Variants in AFF3 observed in about 807,000 individuals in gnomAD.
AFF3 encodes ALF transcription elongation factor 3.
AFF3 carries 32 observed loss-of-function variants against 129.7 expected under a neutral mutation model. The observed-to-expected ratio is 0.25, with a 90% CI of 0.19 to 0.33. The LOEUF is 0.33. Among genes scored for constraint, AFF3 ranks in the 10% least tolerant of loss-of-function variants. The probability of loss-of-function intolerance (pLI) is 1.00; values close to 1 mark genes in which losing one functional copy is unlikely to be tolerated. For missense variants in AFF3, 1,373 were observed against 1,592.0 expected, an observed-to-expected ratio of 0.86 and a Z score of 2.34; for synonymous variants, 644 against 635.4, an observed-to-expected ratio of 1.01 and a Z score of -0.20.
chr2:99,852,003 G>A (rs1461505955), intron 7 of AFF3, among the ~76,000 whole-genome samples: 1 of 152,160 alleles, frequency 6.6e-6, no homozygotes, highest in Non-Finnish European at 1.5e-5. Context: ...CAATGATCAA[G>A]GGTAAACTCT....
At chr2:99,796,348 A>C (rs1321274886) in intron 8 of AFF3, among the ~76,000 whole-genome samples, 2 of 152,204 alleles carry the variant, frequency 1.3e-5, no homozygotes, top group Non-Finnish European at 2.9e-5. Context: ...AATTTATTAC[A>C]TTGTGTCATA....
chr2:100,138,944 C>CAAAA (rs34526914), intron 1 of AFF3, among the ~76,000 whole-genome samples: 4 of 120,250 alleles, frequency 3.3e-5, no homozygotes, highest in African/African-American at 9.7e-5. Flanking sequence ...GACTCTGTCT[C>CAAAA]AAAAAAAAAA....
chr2:100,113,487 G>T (rs1691601704), intron 2 of AFF3, among the ~76,000 whole-genome samples: 1 of 152,226 alleles, frequency 6.6e-6, no homozygotes, highest in African/African-American at 2.4e-5. Context: ...GATGAGAGAA[G>T]TGCAGGTACT....
intron 13 of AFF3, among the ~76,000 whole-genome samples, chr2:99,641,206 C>A (rs892612901): frequency 2.6e-5 from 4 of 152,184 alleles, no homozygotes; most frequent in Admixed American, 6.5e-5. Flanking sequence ...TAATATTGTA[C>A]CTGTGTCCCT....
At chr2:100,077,811 A>G (rs1174609803) in intron 4 of AFF3, among the ~76,000 whole-genome samples, 1 of 152,204 alleles carries the variant, frequency 6.6e-6, no homozygotes, top group East Asian at 1.9e-4. Flanking sequence ...AGAGTTTTTA[A>G]GGCTGGATAA....
At chr2:99,643,276 T>A (rs1684384699) in intron 13 of AFF3, among the ~76,000 whole-genome samples, 1 of 152,038 alleles carries the variant, frequency 6.6e-6, no homozygotes, top group South Asian at 2.1e-4. Flanking sequence ...ATCATGCTGG[T>A]CTTGAACTCC....
intron 11 of AFF3, among the ~76,000 whole-genome samples, chr2:99,679,411 T>C (rs1233011404): frequency 2.0e-5 from 3 of 152,112 alleles, no homozygotes; most frequent in South Asian, 2.1e-4. Context: ...CTGAATCCAC[T>C]TGCCACCTTC....
intron 24 of AFF3, among the ~76,000 whole-genome samples, chr2:99,553,712 G>C (rs192277962): frequency 1.3e-5 from 2 of 151,790 alleles, no homozygotes; most frequent in African/African-American, 4.8e-5. Flanking sequence ...AAGAGATCGA[G>C]ATCATCCTGG....
intron 7 of AFF3, among the ~76,000 whole-genome samples, chr2:100,001,716 T>C (rs1230169464): frequency 6.6e-6 from 1 of 152,220 alleles, no homozygotes; most frequent in Non-Finnish European, 1.5e-5. Context: ...GTTAAGCCAC[T>C]GCGCCCAGCC....
chr2:99,886,757 AG>A (rs1007679441), intron 7 of AFF3, among the ~76,000 whole-genome samples: 1 of 152,258 alleles, frequency 6.6e-6, no homozygotes, highest in African/African-American at 2.4e-5. Context: ...TAACTGCTGC[AG>A]AAAAAATTCC....
intron 7 of AFF3, among the ~76,000 whole-genome samples, chr2:99,975,294 T>C (rs1678763193): frequency 1.3e-5 from 2 of 152,224 alleles, no homozygotes; most frequent in Admixed American, 1.3e-4. Context: ...TAGAATTAGA[T>C]ATTTTGAATT....
intron 4 of AFF3, among the ~76,000 whole-genome samples, chr2:100,009,776 C>T (rs577476789): frequency 6.6e-6 from 1 of 152,178 alleles, no homozygotes; most frequent in Non-Finnish European, 1.5e-5. Context: ...GAGGAAGTGA[C>T]CTGTTTACTG....
At chr2:99,906,154 T>C (rs994447271) in intron 7 of AFF3, among the ~76,000 whole-genome samples, 1 of 152,210 alleles carries the variant, frequency 6.6e-6, no homozygotes, top group Non-Finnish European at 1.5e-5. Context: ...CTAAATTGAA[T>C]CTTAAATCTT....
intron 8 of AFF3, among the ~76,000 whole-genome samples, chr2:99,767,406 G>T (rs759956969): frequency 2.6e-5 from 4 of 152,184 alleles, no homozygotes; most frequent in Non-Finnish European, 5.9e-5. Context: ...CATTATGTGT[G>T]GTTTAAAGCT....
intron 2 of AFF3, among the ~76,000 whole-genome samples, chr2:100,118,020 C>T (rs1691796254): frequency 6.6e-6 from 1 of 152,190 alleles, no homozygotes; most frequent in Non-Finnish European, 1.5e-5. Context: ...TAGTTTGCCT[C>T]TCTTCCACCA....
At chr2:99,858,615 T>C (rs1690713758) in intron 7 of AFF3, among the ~76,000 whole-genome samples, 1 of 152,164 alleles carries the variant, frequency 6.6e-6, no homozygotes, top group Admixed American at 6.5e-5. Flanking sequence ...TGGATGGGGC[T>C]GGAGGCCATT....
intron 7 of AFF3, among the ~76,000 whole-genome samples, chr2:99,918,680 A>G (rs1409360000): frequency 6.6e-6 from 1 of 152,230 alleles, no homozygotes; most frequent in Non-Finnish European, 1.5e-5. Flanking sequence ...CCTAAAGGCT[A>G]CCTCACAAAA....
intron 7 of AFF3, among the ~76,000 whole-genome samples, chr2:99,897,423 G>A (rs1008882394): frequency 6.6e-6 from 1 of 152,088 alleles, no homozygotes; most frequent in African/African-American, 2.4e-5. Context: ...CACACGGACT[G>A]TGGCTATCAG....
At chr2:99,958,350 G>A (rs908154031) in intron 7 of AFF3, among the ~76,000 whole-genome samples, 2 of 151,956 alleles carry the variant, frequency 1.3e-5, no homozygotes, top group Admixed American at 6.6e-5. Flanking sequence ...AAAATTAGCT[G>A]GGCATGGTGG....
Sources: allele counts gnomAD v4.1 joint callset (sites outside exome capture counted in the v4.1 genomes callset), GRCh38; gene constraint gnomAD v4.1.1; transcripts MANE v1.5; gene names NCBI Gene and HGNC (gene_info 2026-07-23, HGNC 2026-07-21).